The following NDST4 variants were observed in gnomAD, a reference collection of about 807,000 sequenced individuals.
The protein encoded by NDST4 is N-deacetylase and N-sulfotransferase 4.
Under a neutral mutation model 100.8 loss-of-function variants are expected in NDST4, and 63 were observed. That is an observed-to-expected ratio of 0.62 (90% CI 0.51 to 0.77). NDST4 has a LOEUF of 0.77. Among genes scored for constraint, NDST4 ranks in the 30% least tolerant of loss-of-function variants. The pLI, the probability that NDST4 is intolerant of heterozygous loss-of-function variation, is 0.00. For synonymous variants in NDST4, 377 were observed against 361.8 expected, an observed-to-expected ratio of 1.04 and a Z score of -0.48; for missense variants, 943 against 1,018.4, an observed-to-expected ratio of 0.93 and a Z score of 1.01.
chr4:114,938,539 T>A (rs555794439), intron 4 of NDST4, among the ~76,000 whole-genome samples: 1 of 152,352 alleles, frequency 6.6e-6, no homozygotes, highest in East Asian at 1.9e-4. Flanking sequence ...ATTGAGGTTA[T>A]AAATGACAAT....
intron 2 of NDST4, among the ~76,000 whole-genome samples, chr4:114,995,364 A>T (rs138853597): frequency 1.5e-4 from 23 of 152,172 alleles, no homozygotes; most frequent in African/African-American, 4.8e-4. Context: ...TATACTATTG[A>T]TTCATTTTCA....
intron 2 of NDST4, among the ~76,000 whole-genome samples, chr4:115,051,992 T>C (rs1287967767): frequency 6.6e-6 from 1 of 152,180 alleles, no homozygotes; most frequent in East Asian, 1.9e-4. Flanking sequence ...GGTAAGATGA[T>C]ATATCATTGT....
chr4:114,841,165 T>G (rs1011459539), intron 10 of NDST4, among the ~76,000 whole-genome samples: 3 of 152,198 alleles, frequency 2.0e-5, no homozygotes, highest in Admixed American at 2.0e-4. Context: ...TTTCTTTATA[T>G]TCCTGCAACT....
chr4:115,091,342 T>A (rs2126294938), intron 1 of NDST4, among the ~76,000 whole-genome samples: 1 of 152,196 alleles, frequency 6.6e-6, no homozygotes, highest in South Asian at 2.1e-4. Context: ...TTGAATCTGC[T>A]CAAAGGATTA....
rs147952077 is a variant in NDST4 at position 115,076,090 on chromosome 4, T to A, written c.947A>T (p.Glu316Val). Residue 316 changes from glutamate to valine, a missense_variant, in exon 2 of 14, where the codon GAG becomes GTG. Physicochemically the swap from Glu to Val is moderately radical, Grantham distance 121. Around this residue, in one of 2 missense-constraint regions of NDST4, gnomAD observed 417 missense variants for 384.2 expected, o/e 1.09. Coordinates refer to ENST00000264363, the MANE Select transcript of NDST4 (RefSeq NM_022569.3). ...ATCTTTGACATTCATCCTTGTTCCC[T>A]CTTTCCCAACAAATATATCATCAAT... The part of the protein sequence containing the change: ...VDIDDIFVGK[E>V]GTRMNVKDVK... 4.5e-4 allele frequency: 724 copies of A among 1,612,788 alleles called. 6 individuals are homozygous for A. The East Asian group carries it at 0.014, about 31-fold the overall frequency.
chr4:115,023,771 C>T (rs553705954), intron 2 of NDST4, among the ~76,000 whole-genome samples: 1 of 152,198 alleles, frequency 6.6e-6, no homozygotes, highest in East Asian at 1.9e-4. Context: ...ATCATGAACA[C>T]AAAGGGAGAA....
intron 1 of NDST4, among the ~76,000 whole-genome samples, chr4:115,107,001 T>C (rs903775684): frequency 2.0e-5 from 3 of 151,904 alleles, no homozygotes; most frequent in African/African-American, 7.3e-5. Context: ...AAAATATGAA[T>C]AATAAAATTA....
chr4:115,041,888 G>T lies in NDST4; in HGVS notation c.978+34171C>A, dbSNP rs141507419. 7.9e-5 allele frequency among the ~76,000 whole-genome samples: 12 copies of T among 152,138 alleles called. No individual in the cohort carries two copies. The East Asian group carries it at 2.3e-3, about 29-fold the overall frequency. On this transcript the variant is annotated intron_variant, in intron 2 of 13. Transcript: ENST00000264363. ...AGGTGGTACTTTTCTTCCTTATGAA[G>T]AAATGACTTCTTGTGGAAGGGCTTA...
chr4:114,854,561 C>A (rs953437107), intron 7 of NDST4, among the ~76,000 whole-genome samples: 1 of 152,120 alleles, frequency 6.6e-6, no homozygotes, highest in Non-Finnish European at 1.5e-5. Context: ...CTTCGCCTCC[C>A]AAATTCAAGC....
intron 11 of NDST4, among the ~76,000 whole-genome samples, chr4:114,837,957 G>A (rs1723337753): frequency 1.3e-5 from 2 of 152,050 alleles, no homozygotes; most frequent in Admixed American, 1.3e-4. Context: ...AATCTACAAG[G>A]AACTTAAACA....
intron 6 of NDST4, among the ~76,000 whole-genome samples, chr4:114,918,180 T>C (rs1382041414): frequency 2.0e-5 from 3 of 152,114 alleles, no homozygotes; most frequent in African/African-American, 7.2e-5. Flanking sequence ...GTGCCAACTT[T>C]ATTAAAAATG....
chr4:114,918,487 A>G (rs1725221265), intron 6 of NDST4, among the ~76,000 whole-genome samples: 1 of 151,832 alleles, frequency 6.6e-6, no homozygotes, highest in African/African-American at 2.4e-5. Context: ...GCACATGTAT[A>G]CATATGTAAC....
intron 4 of NDST4, among the ~76,000 whole-genome samples, chr4:114,947,583 T>C (rs1725893937): frequency 6.6e-6 from 1 of 152,152 alleles, no homozygotes; most frequent in South Asian, 2.1e-4. Context: ...TCAAAATTCT[T>C]CAACGTGTTA....
chr4:114,955,774 G>A (rs562306315), intron 4 of NDST4: 17 of 152,254 alleles, frequency 1.1e-4, no homozygotes, highest in African/African-American at 3.6e-4. Flanking sequence ...ACTACAAATG[G>A]TAAGAACAGT....
chr4:115,113,104 T>C (rs892841108), intron 1 of NDST4, among the ~76,000 whole-genome samples: 7 of 151,934 alleles, frequency 4.6e-5, no homozygotes, highest in African/African-American at 1.7e-4. Flanking sequence ...TTTGTAAAAT[T>C]GGTGCTTTTA....
At chr4:115,013,782 G>A (rs1378706100) in intron 2 of NDST4, among the ~76,000 whole-genome samples, 1 of 151,900 alleles carries the variant, frequency 6.6e-6, no homozygotes, top group African/African-American at 2.4e-5. Flanking sequence ...GAAAAGTAAG[G>A]TCTATTATGA....
At chr4:115,015,715 C>A (rs1031092236) in intron 2 of NDST4, among the ~76,000 whole-genome samples, 2 of 152,040 alleles carry the variant, frequency 1.3e-5, no homozygotes, top group African/African-American at 4.8e-5. Flanking sequence ...CTTTCTCAGT[C>A]TACTGCTGTC....
chr4:114,901,636 T>A (rs1404425953), intron 6 of NDST4, among the ~76,000 whole-genome samples: 1 of 152,024 alleles, frequency 6.6e-6, no homozygotes. Flanking sequence ...TTTAATGTGA[T>A]CACTGATATA....
intron 2 of NDST4, among the ~76,000 whole-genome samples, chr4:114,984,688 CAAG>C (rs1726859846): frequency 6.6e-6 from 1 of 152,046 alleles, no homozygotes; most frequent in Admixed American, 6.5e-5. Context: ...CCAGATAACA[CAAG>C]AAGAAGACCA....
Sources: gnomAD v4.1 joint callset for allele counts (sites outside exome capture counted in the v4.1 genomes callset) on GRCh38, gnomAD v4.1.1 for gene constraint, gnomAD v4.1.1 regional missense constraint, MANE v1.5 for transcripts, NCBI Gene and HGNC (gene_info 2026-07-23, HGNC 2026-07-21) for gene names.